The following RPS6KC1 variants were observed in gnomAD, a reference collection of about 807,000 sequenced individuals.
RPS6KC1 encodes inactive ribosomal protein S6 kinase delta-1.
A neutral mutation model predicts 103.8 loss-of-function variants in RPS6KC1; 54 were observed. The ratio of observed to expected loss-of-function variants is 0.52; its 90% CI spans 0.42 to 0.65. The LOEUF (loss-of-function observed/expected upper bound fraction) is 0.65. Among genes scored for constraint, RPS6KC1 ranks in the 30% least tolerant of loss-of-function variants. The pLI is 0.00. For synonymous variants in RPS6KC1, 439 were observed against 438.7 expected (o/e 1.00, Z -0.01); for missense variants, 1,151 against 1,253.8 (o/e 0.92, Z 1.24).
intron 4 of RPS6KC1, among the ~76,000 whole-genome samples, chr1:213,114,560 C>A (rs991880500): frequency 6.6e-6 from 1 of 151,906 alleles, no homozygotes; most frequent in South Asian, 2.1e-4. Flanking sequence ...CCTTCTTCTG[C>A]CTAATTGCCC....
the RPS6KC1 span, among the ~76,000 whole-genome samples, chr1:213,604,087 CT>C: frequency 6.6e-6 from 1 of 151,996 alleles, no homozygotes; most frequent in African/African-American, 2.4e-5. Flanking sequence ...TCTTTTTTAA[CT>C]TTAGAAAATA....
the RPS6KC1 span, among the ~76,000 whole-genome samples, chr1:213,695,741 T>C: frequency 6.6e-6 from 1 of 152,332 alleles, no homozygotes; most frequent in South Asian, 2.1e-4. Context: ...TTATTGATTG[T>C]AGTTTTCTCA....
intron 6 of RPS6KC1, among the ~76,000 whole-genome samples, chr1:213,137,799 ATTTTTTTT>A (rs869154560): frequency 3.9e-3 from 55 of 13,976 alleles, no homozygotes; most frequent in South Asian, 0.021. Context: ...ATATATATAT[ATTTTTTTT>A]TTTTTTTTTT....
chr1:213,417,456 G>A, the RPS6KC1 span, among the ~76,000 whole-genome samples: 3 of 152,090 alleles, frequency 2.0e-5, no homozygotes, highest in African/African-American at 4.8e-5. Context: ...TCTTTGCATC[G>A]AGCTTCCTTT....
chr1:213,057,325 G>A (rs1430136083), intron 1 of RPS6KC1, among the ~76,000 whole-genome samples: 5 of 152,248 alleles, frequency 3.3e-5, no homozygotes, highest in African/African-American at 4.8e-5. Context: ...CTGGAAGGAG[G>A]CAGCGCTTTG....
intron 5 of RPS6KC1, among the ~76,000 whole-genome samples, chr1:213,117,810 G>A (rs995545405): frequency 6.6e-6 from 1 of 151,474 alleles, no homozygotes; most frequent in Non-Finnish European, 1.5e-5. Flanking sequence ...ATCACCTGAG[G>A]TCAGGAGTTT....
the RPS6KC1 span, among the ~76,000 whole-genome samples, chr1:213,292,144 A>G: frequency 6.6e-6 from 1 of 152,130 alleles, no homozygotes; most frequent in Non-Finnish European, 1.5e-5. Context: ...AGATATACCT[A>G]ATGCTAAATG....
chr1:213,359,001 G>A, the RPS6KC1 span, among the ~76,000 whole-genome samples: 12 of 152,228 alleles, frequency 7.9e-5, no homozygotes, highest in African/African-American at 2.9e-4. Context: ...TGGAATAGCT[G>A]TGGTGTGATG....
At chr1:213,844,419 A>G in the RPS6KC1 span, among the ~76,000 whole-genome samples, 2 of 152,204 alleles carry the variant, frequency 1.3e-5, no homozygotes, top group East Asian at 1.9e-4. Flanking sequence ...TTTTGCTTAC[A>G]ACACTAGATT....
At chr1:213,550,281 G>A in the RPS6KC1 span, among the ~76,000 whole-genome samples, 4 of 152,148 alleles carry the variant, frequency 2.6e-5, no homozygotes, top group African/African-American at 7.2e-5. Context: ...TGTTTCTTAC[G>A]AAATTGACTC....
chr1:213,512,523 A>G, the RPS6KC1 span, among the ~76,000 whole-genome samples: 12 of 152,178 alleles, frequency 7.9e-5, no homozygotes, highest in Non-Finnish European at 1.5e-5. Flanking sequence ...CCCATTAGCA[A>G]CTGCTTTAGC....
At chr1:213,332,302 C>A in the RPS6KC1 span, among the ~76,000 whole-genome samples, 1 of 152,202 alleles carries the variant, frequency 6.6e-6, no homozygotes, top group Middle Eastern at 3.2e-3. Context: ...AAGTGGTGTA[C>A]CCTCCCTGGA....
the RPS6KC1 span, among the ~76,000 whole-genome samples, chr1:213,652,370 T>C: frequency 6.6e-6 from 1 of 152,170 alleles, no homozygotes; most frequent in African/African-American, 2.4e-5. Flanking sequence ...AACTTGCCTG[T>C]TGTTTCTTAG....
rs1371503891 is a variant in RPS6KC1, at chr1:213,261,637, C to G, written c.2991C>G (p.Gly997=). 1.9e-6 allele frequency: 3 copies of G among 1,612,866 alleles called. No individual in the cohort carries two copies. The highest frequency in any genetic ancestry group is 1.3e-5 in the African/African-American group (1 of 74,892). Residue 997 remains glycine, a synonymous_variant, in exon 13 of 15, where the codon GGC becomes GGG. Transcript: ENST00000366960. ...CTGTCCTCTTTGAACTTCTCACTGG[C>G]AAGGTAAGCAGTGGCCTGGACGTTT... ...LGAVLFELLT[G]KTLVECHPAG...
chr1:213,163,857 T>C (rs1460453437), intron 6 of RPS6KC1, among the ~76,000 whole-genome samples: 1 of 152,250 alleles, frequency 6.6e-6, no homozygotes, highest in East Asian at 1.9e-4. Flanking sequence ...CTCTCCATTC[T>C]GATTCTGCTT....
chr1:213,207,227 C>G (rs538361841), intron 8 of RPS6KC1, among the ~76,000 whole-genome samples: 22 of 152,142 alleles, frequency 1.4e-4, no homozygotes, highest in Non-Finnish European at 2.8e-4. Context: ...GAAAAGCTGT[C>G]CATTTGTGGG....
chr1:213,678,941 G>A, the RPS6KC1 span, among the ~76,000 whole-genome samples: 1 of 152,136 alleles, frequency 6.6e-6, no homozygotes, highest in Non-Finnish European at 1.5e-5. Context: ...TAAAACACTA[G>A]CACAATTCCT....
the RPS6KC1 span, among the ~76,000 whole-genome samples, chr1:213,553,978 T>C: frequency 6.6e-6 from 1 of 152,188 alleles, no homozygotes; most frequent in Non-Finnish European, 1.5e-5. Context: ...TTCTTTAGGT[T>C]GTCTGATTAC....
At chr1:213,371,699 C>T in the RPS6KC1 span, among the ~76,000 whole-genome samples, 1 of 152,180 alleles carries the variant, frequency 6.6e-6, no homozygotes, top group African/African-American at 2.4e-5. Flanking sequence ...TGATTCAGAT[C>T]TCTGGCTTTC....
Sources: allele counts gnomAD v4.1 joint callset (sites outside exome capture counted in the v4.1 genomes callset), GRCh38; gene constraint gnomAD v4.1.1; transcripts MANE v1.5; gene names NCBI Gene and HGNC (gene_info 2026-07-23, HGNC 2026-07-21).